DAB1: variants seen among roughly 807,000 people sequenced by gnomAD.
The protein encoded by DAB1 is disabled homolog 1.
In DAB1, 15 loss-of-function variants were observed where a neutral mutation model predicts 64.6. The observed-to-expected ratio is 0.23, with a 90% CI of 0.16 to 0.36. DAB1 has a LOEUF of 0.36. Ranked by LOEUF, DAB1 falls within the 10% of genes least tolerant of loss-of-function variation. DAB1 has a pLI of 1.00. For missense variants in DAB1, 596 were observed against 706.7 expected (o/e 0.84, Z 1.78); for synonymous variants, 235 against 251.9 (o/e 0.93, Z 0.64).
At chr1:57,204,629 A>G (rs1340486402) in intron 2 of DAB1, among the ~76,000 whole-genome samples, 1 of 152,182 alleles carries the variant, frequency 6.6e-6, no homozygotes, top group East Asian at 1.9e-4. Context: ...AAAGGATGTC[A>G]TCTCAGCTTC....
chr1:57,070,375 C>T (rs1453550359), intron 7 of DAB1, among the ~76,000 whole-genome samples: 2 of 152,124 alleles, frequency 1.3e-5, no homozygotes, highest in Non-Finnish European at 1.5e-5. Context: ...TTTTTTTCTG[C>T]ATCTCTGTTT....
chr1:57,788,186 A>G (rs866068195), intron 6 of DAB1, among the ~76,000 whole-genome samples: 14 of 152,218 alleles, frequency 9.2e-5, no homozygotes, highest in Admixed American at 1.3e-4. Context: ...AAATGAAAGC[A>G]TAAGTCCACA....
chr1:57,823,438 G>A (rs1006104235), downstream of DAB1, among the ~76,000 whole-genome samples: 7 of 152,102 alleles, frequency 4.6e-5, no homozygotes, highest in African/African-American at 1.7e-4. Context: ...CCCCATAAAT[G>A]TAAGGTTTTT....
At chr1:57,898,211 G>A (rs576491352) in intron 5 of DAB1, among the ~76,000 whole-genome samples, 7 of 152,178 alleles carry the variant, frequency 4.6e-5, no homozygotes, top group South Asian at 2.1e-4. Context: ...CCCATTTTAC[G>A]TATTTAGGTA....
chr1:58,538,707 A>T, intron 1 of DAB1: 1 of 597,308 alleles, frequency 1.7e-6, no homozygotes, highest in Non-Finnish European at 2.9e-6. Context: ...ATAAATAAAA[A>T]AATTAATTTC....
intron 7 of DAB1, among the ~76,000 whole-genome samples, chr1:57,590,584 G>C (rs1238811521): frequency 6.6e-6 from 1 of 151,920 alleles, no homozygotes; most frequent in East Asian, 1.9e-4. Flanking sequence ...GCACATCTTG[G>C]CCTCCCAAAG....
At chr1:58,231,577 C>A (rs1028110968) in intron 4 of DAB1, among the ~76,000 whole-genome samples, 1 of 152,152 alleles carries the variant, frequency 6.6e-6, no homozygotes, top group Non-Finnish European at 1.5e-5. Flanking sequence ...GACAGGAGTG[C>A]TAGACAAAGG....
intron 3 of DAB1, among the ~76,000 whole-genome samples, chr1:58,450,493 G>A (rs180767428): frequency 4.6e-5 from 7 of 152,276 alleles, no homozygotes; most frequent in East Asian, 3.9e-4. Context: ...GTTGGCTCAC[G>A]TCTGTAATCC....
chr1:57,248,934 A>C (rs1383059317), intron 2 of DAB1, among the ~76,000 whole-genome samples: 1 of 152,208 alleles, frequency 6.6e-6, no homozygotes, highest in Non-Finnish European at 1.5e-5. Context: ...CATAGGTCTC[A>C]GGATAATTAA....
chr1:57,301,324 A>T (rs559941189), intron 1 of DAB1, among the ~76,000 whole-genome samples: 2 of 152,286 alleles, frequency 1.3e-5, no homozygotes, highest in Admixed American at 6.5e-5. Flanking sequence ...CTGCTCCCCA[A>T]CACACGGATT....
intron 3 of DAB1, among the ~76,000 whole-genome samples, chr1:58,360,193 G>A (rs1196484311): frequency 6.6e-6 from 1 of 152,144 alleles, no homozygotes; most frequent in African/African-American, 2.4e-5. Context: ...GTGAGTTCTA[G>A]GAGCACAGAG....
At chr1:57,720,602 A>C (rs1342141353) in intron 6 of DAB1, among the ~76,000 whole-genome samples, 1 of 152,246 alleles carries the variant, frequency 6.6e-6, no homozygotes, top group Non-Finnish European at 1.5e-5. Flanking sequence ...CTATTTCTTC[A>C]TCTGTAAAAT....
At chr1:57,699,370 C>T (rs1344455526) in intron 6 of DAB1, among the ~76,000 whole-genome samples, 2 of 152,164 alleles carry the variant, frequency 1.3e-5, no homozygotes, top group Non-Finnish European at 2.9e-5. Flanking sequence ...TAGAAACTTG[C>T]CCTAAGTCAC....
intron 6 of DAB1, among the ~76,000 whole-genome samples, chr1:57,725,617 C>G (rs1012368592): frequency 2.6e-5 from 4 of 152,120 alleles, no homozygotes; most frequent in African/African-American, 9.7e-5. Context: ...AACATTGTAT[C>G]AGATAAGGAA....
At chr1:57,382,906 G>A (rs889218671) in intron 1 of DAB1, among the ~76,000 whole-genome samples, 1 of 152,110 alleles carries the variant, frequency 6.6e-6, no homozygotes, top group Non-Finnish European at 1.5e-5. Flanking sequence ...CCACAGGAAT[G>A]CATTCTTTAT....
At position 57,615,712 on chromosome 1, in the gene DAB1, C is replaced by A. The variant is rs192722650; in HGVS notation, n.625+33880G>T. ...GAATTGAGTCAAAGAAAAAAAAGTT[C>A]TTTGGAACAGTCTTGGATTTAAAAA... On this transcript the variant is annotated intron_variant and non_coding_transcript_variant, in intron 7 of 20. Coordinates refer to the DAB1 transcript ENST00000485760. Among the ~76,000 whole-genome samples, 21 of 151,950 alleles carry A rather than the reference C, an allele frequency of 1.4e-4. No individual in the cohort carries two copies. The East Asian group carries it at 3.5e-3, about 25-fold the overall frequency.
At chr1:57,460,092 A>G (rs2101176587) in intron 7 of DAB1, among the ~76,000 whole-genome samples, 1 of 152,310 alleles carries the variant, frequency 6.6e-6, no homozygotes, top group East Asian at 1.9e-4. Context: ...TCCTTCCAGA[A>G]AAGTGCAAAG....
chr1:57,350,242 A>T (rs1678469970), intron 1 of DAB1, among the ~76,000 whole-genome samples: 1 of 152,178 alleles, frequency 6.6e-6, no homozygotes, highest in Admixed American at 6.5e-5. Flanking sequence ...GTTCTTTTTA[A>T]AAATGAGGAC....
At chr1:57,144,184 A>C (rs1570772757) in intron 3 of DAB1, among the ~76,000 whole-genome samples, 1 of 152,128 alleles carries the variant, frequency 6.6e-6, no homozygotes, top group African/African-American at 2.4e-5. Flanking sequence ...AAAATATTCC[A>C]TAATGCACAT....
Sources: allele counts gnomAD v4.1 joint callset (sites outside exome capture counted in the v4.1 genomes callset), GRCh38; gene constraint gnomAD v4.1.1; transcripts MANE v1.5; gene names NCBI Gene and HGNC (gene_info 2026-07-23, HGNC 2026-07-21).